ACP3: variants seen among roughly 807,000 people sequenced by gnomAD.
ACP3 encodes prostatic acid phosphatase.
ACP3 carries 38 observed loss-of-function variants against 45.6 expected under a neutral mutation model. That is an observed-to-expected ratio of 0.83 (90% confidence interval 0.64 to 1.09). The LOEUF (loss-of-function observed/expected upper bound fraction) is 1.09, where lower values mean the gene tolerates loss of function less well. Ranked by LOEUF, ACP3 falls within the 50% of genes least tolerant of loss-of-function variation. ACP3 has a pLI of 0.00. For synonymous variants in ACP3, 162 were observed against 164.7 expected (o/e 0.98, Z 0.13); for missense variants, 466 against 463.2 (o/e 1.01, Z -0.05).
chr3:132,350,118 C>T, intron 8 of ACP3, 116 bp downstream of exon 8: 1 of 684,304 alleles, frequency 1.5e-6, no homozygotes, highest in Non-Finnish European at 2.5e-6. Context: ...GTGGTAGGCA[C>T]TTGCACAAAG....
In ACP3 at chr3:132,358,557, G is replaced by C; in HGVS notation, c.*1679G>C. 9.5e-6 allele frequency: 11 copies of C among 1,154,168 alleles called. No individual in the cohort carries two copies. The South Asian group carries it at 1.6e-4, about 16-fold the overall frequency. 71.5% of individuals were successfully genotyped at this position (1,154,168 alleles called of 1,614,324 possible). A position where few individuals can be genotyped will look rare whatever the true frequency, so the allele number is the denominator to read the frequency against. On this transcript the variant is annotated 3_prime_UTR_variant, in exon 10 of 10. Transcript: ENST00000336375. ...TGGTTTCTAGAGATGGTTTCTACTG[G>C]CTGCCAGAATCTAGAGCAAAGCCAT...
intron 5 of ACP3, among the ~76,000 whole-genome samples, chr3:132,340,782 A>T (rs1397651585): frequency 6.6e-6 from 1 of 152,118 alleles, no homozygotes; most frequent in Non-Finnish European, 1.5e-5. Context: ...AACTATTAAG[A>T]CTTTATAATA....
chr3:132,321,561 T>G lies in ACP3; in HGVS notation c.120+3985T>G, dbSNP rs752398580. On this transcript the variant is annotated intron_variant, in intron 1 of 9. Transcript: ENST00000336375. Reference sequence around the variant, plus strand: ...CCAGGCTCAGTTCAGTTTGCTTACATGAGCTTCTCCCCAGATTTATGCCAA... The same window carrying G: ...CCAGGCTCAGTTCAGTTTGCTTACAGGAGCTTCTCCCCAGATTTATGCCAA... 3.9e-5 allele frequency among the ~76,000 whole-genome samples: 6 copies of G among 152,206 alleles called. No individual in the cohort carries two copies. In the South Asian group the frequency reaches 6.2e-4, roughly 16 times the overall value.
At chr3:132,342,051 T>A (rs1335635882) in intron 5 of ACP3, among the ~76,000 whole-genome samples, 1 of 152,240 alleles carries the variant, frequency 6.6e-6, no homozygotes, top group Non-Finnish European at 1.5e-5. Context: ...CAGGATGCTT[T>A]GGCCTGAAAT....
chr3:132,340,470 A>G (rs1401432849), intron 5 of ACP3, among the ~76,000 whole-genome samples: 3 of 152,140 alleles, frequency 2.0e-5, no homozygotes, highest in Non-Finnish European at 4.4e-5. Flanking sequence ...ATTTTGAGTC[A>G]TGTTTAGAAA....
At chr3:132,328,133 A>T in intron 1 of ACP3, 134 bp from the exon 2 acceptor site, 1 of 587,892 alleles carries the variant, frequency 1.7e-6, no homozygotes, top group Non-Finnish European at 2.9e-6. Context: ...AGAATCTTTT[A>T]AAACTCCTTA....
chr3:132,352,879 T>C, intron 9 of ACP3, 56 bp downstream of exon 9: 1 of 1,312,754 alleles, frequency 7.6e-7, no homozygotes, highest in South Asian at 1.2e-5. Flanking sequence ...GTTTCATTAT[T>C]ATTATTTTGG....
intron 9 of ACP3, among the ~76,000 whole-genome samples, chr3:132,355,276 T>C (rs1937855886): frequency 6.6e-6 from 1 of 152,210 alleles, no homozygotes; most frequent in Non-Finnish European, 1.5e-5. Flanking sequence ...AGGTACAACG[T>C]AGTCTTGGCA....
At chr3:132,351,059 A>C (rs898571149) in intron 8 of ACP3, among the ~76,000 whole-genome samples, 10 of 152,190 alleles carry the variant, frequency 6.6e-5, no homozygotes, top group African/African-American at 1.7e-4. Context: ...GCCCCAGATG[A>C]AGTCAAGATT....
intron 7 of ACP3, 116 bp downstream of exon 7, chr3:132,345,175 G>A (rs1377190603): frequency 4.2e-6 from 4 of 950,518 alleles, no homozygotes; most frequent in South Asian, 3.4e-5. Context: ...AATCACTCTT[G>A]CACCAGCTTC....
intron 1 of ACP3, among the ~76,000 whole-genome samples, chr3:132,327,974 C>T (rs1419155207): frequency 6.6e-6 from 1 of 152,172 alleles, no homozygotes; most frequent in Non-Finnish European, 1.5e-5. Flanking sequence ...TTGATTCTTA[C>T]ATTACCTGAA....
At chr3:132,364,073 G>A (rs1482566912) in intron 10 of ACP3, among the ~76,000 whole-genome samples, 1 of 152,222 alleles carries the variant, frequency 6.6e-6, no homozygotes, top group East Asian at 1.9e-4. Flanking sequence ...GCCAGGCACA[G>A]TGGCTCATGC....
intron 1 of ACP3, among the ~76,000 whole-genome samples, chr3:132,326,989 A>G (rs1937308720): frequency 6.6e-6 from 1 of 152,234 alleles, no homozygotes; most frequent in Non-Finnish European, 1.5e-5. Context: ...GCATATTAGA[A>G]TCAAAGCACC....
In ACP3 at chr3:132,343,479, T is replaced by C. The variant is rs80240194; in HGVS notation, c.648+835T>C. On this transcript the variant is annotated intron_variant, in intron 6 of 9. Coordinates refer to ENST00000336375, the MANE Select transcript of ACP3 (RefSeq NM_001099.5). Reference sequence around the variant, plus strand: ...TTTCAGTGAAAATTCATTAGCATTGTAAAAGACTCTTCAGTGAAAACAAGA... The same window carrying C: ...TTTCAGTGAAAATTCATTAGCATTGCAAAAGACTCTTCAGTGAAAACAAGA... Among the ~76,000 whole-genome samples the C allele has an allele frequency of 4.0e-3, 609 of 152,324 alleles. 5 individuals carry two copies. The highest frequency in any genetic ancestry group is 0.014 in the African/African-American group (570 of 41,570).
downstream of ACP3, among the ~76,000 whole-genome samples, chr3:132,361,728 T>A (rs1054500022): frequency 6.6e-6 from 1 of 152,238 alleles, no homozygotes; most frequent in African/African-American, 2.4e-5. Flanking sequence ...ATAAGCAAGA[T>A]AATCTATTGA....
chr3:132,323,343 A>G (rs1937238812), intron 1 of ACP3, among the ~76,000 whole-genome samples: 1 of 152,204 alleles, frequency 6.6e-6, no homozygotes, highest in South Asian at 2.1e-4. Flanking sequence ...ACTATGTTCC[A>G]GGCACTGTTT....
chr3:132,336,264 C>CATA (rs914580962), intron 4 of ACP3, among the ~76,000 whole-genome samples: 3 of 151,762 alleles, frequency 2.0e-5, no homozygotes, highest in East Asian at 1.9e-4. Flanking sequence ...TGTCTCAAAA[C>CATA]ATAATAATAA....
chr3:132,360,363 C>A (rs962386413), downstream of ACP3, among the ~76,000 whole-genome samples: 3 of 150,346 alleles, frequency 2.0e-5, no homozygotes, highest in African/African-American at 7.3e-5. Flanking sequence ...TCTGAAAAAG[C>A]CGATACAGGA....
At chr3:132,359,380 C>T (rs537059598), downstream of ACP3, among the ~76,000 whole-genome samples, 12 of 152,216 alleles carry the variant, frequency 7.9e-5, no homozygotes, top group East Asian at 9.7e-4. Flanking sequence ...TGGTGGCGGG[C>T]ACCTGTAGTC....
Sources: allele counts gnomAD v4.1 joint callset (sites outside exome capture counted in the v4.1 genomes callset), GRCh38; gene constraint gnomAD v4.1.1; transcripts MANE v1.5; gene names NCBI Gene and HGNC (gene_info 2026-07-23, HGNC 2026-07-21).